Variants in ANXA8 observed in about 807,000 individuals in gnomAD.
ANXA8 encodes the protein VAC-beta.
ANXA8 carries 9 observed loss-of-function variants against 26.8 expected under a neutral mutation model. The ratio of observed to expected loss-of-function variants is 0.34; its 90% confidence interval spans 0.20 to 0.59. The LOEUF is 0.59. Among genes scored for constraint, ANXA8 ranks in the 20% least tolerant of loss-of-function variants. The pLI is 0.84. For missense variants in ANXA8, 83 were observed against 238.5 expected (o/e 0.35, Z 4.29); for synonymous variants, 39 against 94.8 (o/e 0.41, Z 3.42).
chr10:47,502,339 T>C, the ANXA8 span: 1 of 1,603,146 alleles, frequency 6.2e-7, no homozygotes, highest in Non-Finnish European at 8.5e-7. Context: ...CAGGTCCTCA[T>C]CAGTGGTGGC....
the ANXA8 span, among the ~76,000 whole-genome samples, chr10:47,561,744 C>G: frequency 2.0e-5 from 3 of 151,678 alleles, no homozygotes; most frequent in East Asian, 5.8e-4. Flanking sequence ...AAGCAGTGAA[C>G]ATAACAAAGT....
the ANXA8 span, among the ~76,000 whole-genome samples, chr10:47,766,043 G>A: frequency 1.3e-5 from 2 of 150,190 alleles, no homozygotes; most frequent in Middle Eastern, 3.2e-3. Flanking sequence ...CTACCATGCC[G>A]AATATGGGAC....
the ANXA8 span, among the ~76,000 whole-genome samples, chr10:47,685,254 G>T: frequency 6.6e-6 from 1 of 150,760 alleles, no homozygotes; most frequent in Non-Finnish European, 1.5e-5. Context: ...GCTGAGGTAG[G>T]AGAATCGCTT....
the ANXA8 span, among the ~76,000 whole-genome samples, chr10:47,560,527 A>G: frequency 2.0e-5 from 3 of 151,762 alleles, no homozygotes; most frequent in Non-Finnish European, 4.4e-5. Context: ...GCTTTGTTAC[A>G]TGCCATTGCT....
the ANXA8 span, among the ~76,000 whole-genome samples, chr10:47,671,279 G>A: frequency 4.0e-5 from 6 of 151,592 alleles, no homozygotes; most frequent in South Asian, 2.1e-4. Flanking sequence ...AAAATTAACC[G>A]GGCTTGGTGG....
chr10:47,493,446 C>T, the ANXA8 span, among the ~76,000 whole-genome samples: 1 of 149,414 alleles, frequency 6.7e-6, no homozygotes, highest in South Asian at 2.1e-4. Flanking sequence ...CCTGTCAAAG[C>T]CCCTTCCCTG....
At chr10:47,600,902 C>T in the ANXA8 span, among the ~76,000 whole-genome samples, 2 of 149,348 alleles carry the variant, frequency 1.3e-5, no homozygotes, top group Non-Finnish European at 2.9e-5. Flanking sequence ...GTTGAATAAA[C>T]ATTTATGGAG....
At chr10:47,691,043 A>T in the ANXA8 span, 57 of 1,610,966 alleles carry the variant, frequency 3.5e-5, 1 homozygote, top group Non-Finnish European at 5.9e-6. Flanking sequence ...TTGTTTAGTC[A>T]TGGTGCTATC....
the ANXA8 span, among the ~76,000 whole-genome samples, chr10:47,553,691 C>T: frequency 1.3e-5 from 2 of 150,836 alleles, no homozygotes; most frequent in Admixed American, 1.3e-4. Context: ...GTCCGCGTCC[C>T]TCCCGATTCA....
the ANXA8 span, among the ~76,000 whole-genome samples, chr10:47,655,810 C>T: frequency 3.3e-5 from 5 of 151,740 alleles, no homozygotes; most frequent in South Asian, 4.1e-4. Context: ...CACCTGAGGT[C>T]GGGAGTTTGA....
the ANXA8 span, chr10:47,991,575 C>T: frequency 2.5e-6 from 4 of 1,604,022 alleles, 1 homozygote; most frequent in South Asian, 3.3e-5. Context: ...CAAATGTAGA[C>T]TGAGCCACTC....
chr10:47,947,832 C>T, the ANXA8 span, among the ~76,000 whole-genome samples: 3 of 150,474 alleles, frequency 2.0e-5, no homozygotes, highest in Admixed American at 1.3e-4. Context: ...AACAGGGTTC[C>T]CCATGGATCT....
upstream of ANXA8, chr10:47,484,530 T>A (rs1839988466): frequency 6.9e-7 from 1 of 1,459,106 alleles, no homozygotes; most frequent in Non-Finnish European, 9.2e-7. Context: ...CACAGCCACC[T>A]TATACAGCAT....
the ANXA8 span, among the ~76,000 whole-genome samples, chr10:47,564,005 G>A: frequency 7.8e-5 from 11 of 140,620 alleles, no homozygotes; most frequent in Admixed American, 1.4e-4. Flanking sequence ...AAGTGGTGAA[G>A]AGCACTGATT....
chr10:47,486,813 A>G (rs1469953233), upstream of ANXA8, among the ~76,000 whole-genome samples: 7 of 135,668 alleles, frequency 5.2e-5, no homozygotes, highest in Admixed American at 3.8e-4. Context: ...AAAAAATAAT[A>G]ATAATAAAAA....
At chr10:47,982,757 A>G in the ANXA8 span, among the ~76,000 whole-genome samples, 1 of 133,608 alleles carries the variant, frequency 7.5e-6, no homozygotes, top group Non-Finnish European at 1.6e-5. Flanking sequence ...ACCATCAAGA[A>G]AGTCAAAAAG....
chr10:47,707,117 T>C, the ANXA8 span, among the ~76,000 whole-genome samples: 23 of 143,274 alleles, frequency 1.6e-4, 2 homozygotes, highest in Non-Finnish European at 3.3e-4. Flanking sequence ...ATATCAGTGT[T>C]TATTTCATTG....
the ANXA8 span, chr10:47,985,844 A>C: frequency 6.7e-6 from 1 of 149,034 alleles, no homozygotes; most frequent in African/African-American, 2.4e-5. Flanking sequence ...TACAATGTTT[A>C]TTCTTTCATA....
chr10:47,501,163 A>C, the ANXA8 span, among the ~76,000 whole-genome samples: 5 of 140,564 alleles, frequency 3.6e-5, no homozygotes, highest in Non-Finnish European at 7.7e-5. Context: ...CGGCCTCCCA[A>C]AGTGCTGGGA....
Sources: gnomAD v4.1 joint callset for allele counts (sites outside exome capture counted in the v4.1 genomes callset) on GRCh38, gnomAD v4.1.1 for gene constraint, MANE v1.5 for transcripts, NCBI Gene and HGNC (gene_info 2026-07-23, HGNC 2026-07-21) for gene names.